CFAP251: variants seen among roughly 807,000 people sequenced by gnomAD.
The protein encoded by CFAP251 is cilia- and flagella-associated protein 251.
Under a neutral mutation model 126.7 loss-of-function variants are expected in CFAP251, and 93 were observed. The observed-to-expected ratio is 0.73, with a 90% confidence interval of 0.62 to 0.87. The LOEUF (loss-of-function observed/expected upper bound fraction) is 0.87, where lower values mean the gene tolerates loss of function less well. Among genes scored for constraint, CFAP251 ranks in the 40% least tolerant of loss-of-function variants. CFAP251 has a pLI of 0.00. For synonymous variants in CFAP251, 503 were observed against 506.9 expected, an observed-to-expected ratio of 0.99 and a Z score of 0.10; for missense variants, 1,287 against 1,389.2, an observed-to-expected ratio of 0.93 and a Z score of 1.17.
At chr12:121,991,624 A>G (rs1300146423) in intron 19 of CFAP251, among the ~76,000 whole-genome samples, 1 of 152,162 alleles carries the variant, frequency 6.6e-6, no homozygotes, top group African/African-American at 2.4e-5. Context: ...CCTTCCAGCC[A>G]TGTTTCTCAA....
chr12:121,979,946 A>T (rs1434881509), intron 19 of CFAP251, among the ~76,000 whole-genome samples: 1 of 152,110 alleles, frequency 6.6e-6, no homozygotes, highest in Non-Finnish European at 1.5e-5. Flanking sequence ...GTCCAGAGGG[A>T]GTGGGGATGT....
chr12:121,997,417 A>G (rs1044735620), intron 19 of CFAP251: 1 of 151,476 alleles, frequency 6.6e-6, no homozygotes, highest in African/African-American at 2.4e-5. Flanking sequence ...AAAAAAAAAA[A>G]AAAAGGCATG....
intron 11 of CFAP251, 55 bp from the exon 12 acceptor site, chr12:121,958,217 G>A: frequency 1.2e-6 from 2 of 1,601,758 alleles, no homozygotes; most frequent in South Asian, 1.1e-5. Context: ...AGAATAGCTG[G>A]CATGCCCCAT....
chr12:121,926,371 G>A (rs147980091), intron 3 of CFAP251, among the ~76,000 whole-genome samples: 1 of 151,110 alleles, frequency 6.6e-6, no homozygotes, highest in Non-Finnish European at 1.5e-5. Context: ...CTATCACCCA[G>A]ACTGGAGTGC....
chr12:121,963,386 A>G (rs1882012238), intron 15 of CFAP251, among the ~76,000 whole-genome samples: 1 of 151,898 alleles, frequency 6.6e-6, no homozygotes, highest in South Asian at 2.1e-4. Flanking sequence ...CAAGCTTGAG[A>G]TGCCTGCTTG....
rs1480738745 is a variant in CFAP251 at position 121,992,556 on chromosome 12, TTA to T, written c.3007-7152_3007-7151del. On this transcript the variant is annotated intron_variant, in intron 19 of 21. Transcript: ENST00000288912. ...TATTACATTGGTAATTTATATATATTTATATATATTATTTCTTTTTTTTTTCT... is the reference window on the plus strand; with the variant it reads ...TATTACATTGGTAATTTATATATATTTATATATTATTTCTTTTTTTTTTCT... 5 of 852,058 alleles carry T rather than the reference TTA, an allele frequency of 5.9e-6. No individual in the cohort carries two copies. The African/African-American group carries it at 9.2e-5, about 16-fold the overall frequency. 52.8% of individuals were successfully genotyped at this position (852,058 alleles called of 1,614,324 possible).
rs766429059 is a variant in CFAP251, at chr12:121,975,698, A to G, written c.3006+13A>G. On this transcript the variant is annotated intron_variant, in intron 19 of 21. Transcript: ENST00000288912. ...ATCTGAAGAGAAGGTAGGGAGAACG[A>G]AAACAAGAGCAGCAACGGGATGTGC... 5 of 1,551,992 alleles carry G rather than the reference A, an allele frequency of 3.2e-6. No homozygotes were observed. In the South Asian group the frequency reaches 6.0e-5, roughly 19 times the overall value.
chr12:121,983,532 TG>T lies in CFAP251; in HGVS notation c.3006+7848del, dbSNP rs1882676822. On this transcript the variant is annotated intron_variant, in intron 19 of 21. Transcript: ENST00000288912. ...TGAAGAAAAGGTATCCGGAAAAAAATGTTAGTTGGTAACAAATGTTACAAAG... is the reference window on the plus strand; with the variant it reads ...TGAAGAAAAGGTATCCGGAAAAAAATTTAGTTGGTAACAAATGTTACAAAG... Among the ~76,000 whole-genome samples, 3 of 151,984 alleles carry T rather than the reference TG, an allele frequency of 2.0e-5. No individual in the cohort carries two copies. In the South Asian group the frequency reaches 6.2e-4, roughly 31 times the overall value.
At chr12:121,935,051 C>T (rs559816623) in intron 5 of CFAP251, among the ~76,000 whole-genome samples, 1 of 152,332 alleles carries the variant, frequency 6.6e-6, no homozygotes, top group African/African-American at 2.4e-5. Context: ...ATCCTCCCAT[C>T]TTGGACTCTC....
intron 20 of CFAP251, among the ~76,000 whole-genome samples, 156 bp downstream of exon 20, chr12:122,000,100 A>T (rs1170357593): frequency 6.6e-6 from 1 of 152,224 alleles, no homozygotes; most frequent in African/African-American, 2.4e-5. Context: ...ACCCACCTGC[A>T]TCCCTGGCAA....
chr12:122,000,690 A>G (rs1883129246), intron 20 of CFAP251, among the ~76,000 whole-genome samples: 1 of 152,124 alleles, frequency 6.6e-6, no homozygotes, highest in Non-Finnish European at 1.5e-5. Context: ...ATGTCAAGTA[A>G]ACTCTCTTGG....
chr12:121,947,644 T>C (rs1210096530), intron 7 of CFAP251: 2 of 152,176 alleles, frequency 1.3e-5, no homozygotes, highest in South Asian at 2.1e-4. Flanking sequence ...TGATGTTGTG[T>C]TTTTTAAAGT....
At chr12:121,996,834 T>G (rs906102239) in intron 19 of CFAP251, 2 of 152,160 alleles carry the variant, frequency 1.3e-5, no homozygotes, top group African/African-American at 4.8e-5. Context: ...AGCTTTTATC[T>G]CTGATGGGAA....
At chr12:121,960,418 A>G (rs1229050767) in intron 13 of CFAP251, among the ~76,000 whole-genome samples, 167 bp from the exon 14 acceptor site, 2 of 152,128 alleles carry the variant, frequency 1.3e-5, no homozygotes, top group African/African-American at 2.4e-5. Context: ...GGGTTTTGCC[A>G]TATTGGCCAG....
intron 3 of CFAP251, among the ~76,000 whole-genome samples, chr12:121,928,415 A>G (rs539927187): frequency 1.5e-4 from 23 of 152,078 alleles, no homozygotes; most frequent in African/African-American, 5.3e-4. Flanking sequence ...TTAAGAATGT[A>G]GGAGAGAGAA....
intron 10 of CFAP251, 80 bp from the exon 11 acceptor site, chr12:121,956,994 C>A (rs1171064274): frequency 2.7e-6 from 3 of 1,123,722 alleles, no homozygotes; most frequent in East Asian, 5.6e-5. Flanking sequence ...GAATCCAGAG[C>A]CTGACATATA....
intron 5 of CFAP251, among the ~76,000 whole-genome samples, chr12:121,939,445 T>C (rs373424254): frequency 1.7e-4 from 26 of 152,120 alleles, no homozygotes; most frequent in African/African-American, 6.3e-4. Context: ...GGCAGAAGGG[T>C]CAGAGTCCTT....
intron 3 of CFAP251, among the ~76,000 whole-genome samples, chr12:121,927,799 T>G (rs1880480717): frequency 6.6e-6 from 1 of 152,204 alleles, no homozygotes; most frequent in Admixed American, 6.5e-5. Context: ...TAGACATGAC[T>G]GTGGATCCCA....
Position 121,975,243 on chromosome 12 carries a change from G to A in CFAP251, c.2772-1G>A. 1.2e-6 allele frequency: 2 copies of A among 1,613,818 alleles called. No individual in the cohort carries two copies. The highest frequency in any genetic ancestry group is 1.7e-6 in the Non-Finnish European group (2 of 1,179,874). ...TAGAGACATTTCTGTTGTTGTTCCA[G>A]TGTCCTGGAGGCAGCGGTTTCTCTT... On this transcript the variant is annotated splice_acceptor_variant, in intron 17 of 21. Transcript: ENST00000288912. LOFTEE classifies it high-confidence loss of function.
Sources: allele counts gnomAD v4.1 joint callset (sites outside exome capture counted in the v4.1 genomes callset), GRCh38; gene constraint gnomAD v4.1.1; transcripts MANE v1.5; gene names NCBI Gene and HGNC (gene_info 2026-07-23, HGNC 2026-07-21).